The following STAU2 variants were observed in gnomAD, a reference collection of about 807,000 sequenced individuals.
STAU2 encodes staufen double-stranded RNA binding protein 2.
In STAU2, 20 loss-of-function variants were observed where a neutral mutation model predicts 65.9. That is an observed-to-expected ratio of 0.30 (90% CI 0.21 to 0.44). STAU2 has a LOEUF of 0.44. Ranked by LOEUF, STAU2 falls within the 20% of genes least tolerant of loss-of-function variation. The probability of loss-of-function intolerance (pLI) is 1.00; values close to 1 mark genes in which losing one functional copy is unlikely to be tolerated. For missense variants in STAU2, 558 were observed against 683.9 expected (o/e 0.82, Z 2.05); for synonymous variants, 232 against 233.9 (o/e 0.99, Z 0.07).
chr8:73,546,235 G>C (rs1208247890), intron 13 of STAU2, among the ~76,000 whole-genome samples: 1 of 145,316 alleles, frequency 6.9e-6, no homozygotes, highest in African/African-American at 2.6e-5. Flanking sequence ...CCAAAGTACT[G>C]GGATTACAGG....
intron 4 of STAU2, among the ~76,000 whole-genome samples, chr8:73,699,485 A>T (rs1442208836): frequency 6.6e-6 from 1 of 151,974 alleles, no homozygotes; most frequent in East Asian, 1.9e-4. Context: ...GAAAAAGGAG[A>T]CATTACAATG....
chr8:73,469,040 G>A (rs1819819058), intron 13 of STAU2, among the ~76,000 whole-genome samples: 1 of 152,026 alleles, frequency 6.6e-6, no homozygotes, highest in South Asian at 2.1e-4. Context: ...CAATAGCAAA[G>A]ACTTGGAACC....
intron 12 of STAU2, among the ~76,000 whole-genome samples, chr8:73,579,884 G>T (rs1312786549): frequency 1.3e-5 from 2 of 152,138 alleles, no homozygotes; most frequent in African/African-American, 2.4e-5. Context: ...ACAATCACTT[G>T]CAAAACCATT....
intron 4 of STAU2, among the ~76,000 whole-genome samples, chr8:73,691,170 G>C (rs992031403): frequency 2.6e-5 from 4 of 151,968 alleles, no homozygotes; most frequent in Admixed American, 2.6e-4. Context: ...CTGTCTACTT[G>C]GTATTTCCAC....
intron 13 of STAU2, among the ~76,000 whole-genome samples, chr8:73,487,955 T>C (rs771530990): frequency 1.2e-4 from 19 of 152,092 alleles, no homozygotes; most frequent in African/African-American, 4.3e-4. Context: ...TTCTTACATA[T>C]ATTCTTTGGG....
chr8:73,532,194 C>G (rs1329505899), intron 13 of STAU2, among the ~76,000 whole-genome samples: 1 of 152,106 alleles, frequency 6.6e-6, no homozygotes, highest in Non-Finnish European at 1.5e-5. Context: ...AAGTTCCAAC[C>G]TGACTCTAAG....
intron 6 of STAU2, among the ~76,000 whole-genome samples, chr8:73,618,187 C>A (rs961970463): frequency 6.6e-6 from 1 of 152,072 alleles, no homozygotes; most frequent in African/African-American, 2.4e-5. Context: ...TGAACAACAA[C>A]ACTTAGAGTG....
At chr8:73,654,834 G>A (rs1004428154) in intron 6 of STAU2, among the ~76,000 whole-genome samples, 7 of 151,098 alleles carry the variant, frequency 4.6e-5, no homozygotes, top group South Asian at 2.1e-4. Flanking sequence ...CTACAGGCGC[G>A]CGCCACCATG....
At position 73,552,182 on chromosome 8, in the gene STAU2, T is replaced by G. The variant is rs780680960; in HGVS notation, c.1360A>C (p.Ile454Leu). The G allele has an allele frequency of 2.0e-5, 33 of 1,613,888 alleles. No individual in the cohort carries two copies. In the South Asian group the frequency reaches 3.4e-4, roughly 17 times the overall value. The change falls in exon 13 of 15, where the codon ATA becomes CTA. Residue 454 changes from isoleucine to leucine, a missense_variant. Around this residue, in one of 3 missense-constraint regions of STAU2, gnomAD observed 247 missense variants for 270.1 expected, o/e 0.91. Transcript: ENST00000524300. ...GCTGAACTATTCGATGTGGGAGATATACTGAAGAAAGAGCTTGAAGGTTGG... is the reference window on the plus strand; with the variant it reads ...GCTGAACTATTCGATGTGGGAGATAGACTGAAGAAAGAGCTTGAAGGTTGG... ...MNQPSSSFFSISPTSNSSATI... is the reference protein window; with the variant it reads ...MNQPSSSFFSLSPTSNSSATI...
At chr8:73,577,922 C>T (rs1257690619) in intron 12 of STAU2, among the ~76,000 whole-genome samples, 1 of 151,950 alleles carries the variant, frequency 6.6e-6, no homozygotes, top group Non-Finnish European at 1.5e-5. Context: ...TTTTATGTGT[C>T]CTTTGCATAT....
intron 13 of STAU2, among the ~76,000 whole-genome samples, chr8:73,454,830 A>G (rs931936176): frequency 6.6e-6 from 1 of 152,202 alleles, no homozygotes; most frequent in African/African-American, 2.4e-5. Flanking sequence ...GATTTAAATG[A>G]CTTTATAGTA....
chr8:73,532,333 A>G (rs1010331655), intron 13 of STAU2, among the ~76,000 whole-genome samples: 1 of 152,188 alleles, frequency 6.6e-6, no homozygotes, highest in Non-Finnish European at 1.5e-5. Context: ...GGGAACGTGC[A>G]CCTGTACAGA....
At chr8:73,603,912 T>C (rs760274196) in intron 9 of STAU2, 49 bp from the exon 10 acceptor site, 5 of 1,549,716 alleles carry the variant, frequency 3.2e-6, no homozygotes, top group Non-Finnish European at 2.6e-6. Flanking sequence ...GTGAAACCTG[T>C]TATTGAATCC....
intron 12 of STAU2, among the ~76,000 whole-genome samples, chr8:73,569,042 G>A (rs1216570110): frequency 6.6e-6 from 1 of 152,066 alleles, no homozygotes; most frequent in Non-Finnish European, 1.5e-5. Flanking sequence ...AAGGGGTCGG[G>A]GAATTCCCTT....
intron 6 of STAU2, among the ~76,000 whole-genome samples, chr8:73,654,663 A>AAAAAAAAAC (rs1280392351): frequency 7.4e-6 from 1 of 135,562 alleles, no homozygotes; most frequent in African/African-American, 2.6e-5. Flanking sequence ...AAAAAAAAAG[A>AAAAAAAAAC]ACTCTTTTAA....
chr8:73,724,326 T>A (rs72661804), intron 3 of STAU2, among the ~76,000 whole-genome samples: 1 of 152,172 alleles, frequency 6.6e-6, no homozygotes, highest in Non-Finnish European at 1.5e-5. Flanking sequence ...AAAGTCCCCA[T>A]CCGTCCTTCT....
At chr8:73,632,449 A>G (rs1473649193) in intron 6 of STAU2, among the ~76,000 whole-genome samples, 3 of 152,214 alleles carry the variant, frequency 2.0e-5, no homozygotes, top group Admixed American at 6.5e-5. Flanking sequence ...GTAAAGAAAG[A>G]ATGCATCTTA....
At chr8:73,615,894 T>C (rs1479063150) in intron 7 of STAU2, 112 bp from the exon 8 acceptor site, 7 of 756,886 alleles carry the variant, frequency 9.2e-6, no homozygotes, top group East Asian at 8.0e-5. Context: ...ACAAACTATA[T>C]AGACTGTATC....
chr8:73,522,557 T>C (rs1823097296), intron 13 of STAU2, among the ~76,000 whole-genome samples: 1 of 152,236 alleles, frequency 6.6e-6, no homozygotes, highest in Non-Finnish European at 1.5e-5. Flanking sequence ...TTGTATGCAC[T>C]AGTGTCTAAA....
Sources: allele counts gnomAD v4.1 joint callset (sites outside exome capture counted in the v4.1 genomes callset), GRCh38; gene constraint gnomAD v4.1.1; regional missense constraint gnomAD v4.1.1; transcripts MANE v1.5; gene names NCBI Gene and HGNC (gene_info 2026-07-23, HGNC 2026-07-21).